LRTM1: variants seen among roughly 807,000 people sequenced by gnomAD.
LRTM1 encodes the protein leucine-rich repeat and transmembrane domain-containing protein 1.
A neutral mutation model predicts 32.4 loss-of-function variants in LRTM1; 38 were observed. The ratio of observed to expected loss-of-function variants is 1.17; its 90% CI spans 0.91 to 1.54. The LOEUF (loss-of-function observed/expected upper bound fraction) is 1.54. LRTM1 is among the 40% of genes most tolerant of loss of function. The pLI is 0.00. For missense variants in LRTM1, 466 were observed against 415.4 expected, an observed-to-expected ratio of 1.12 and a Z score of -1.06; for synonymous variants, 186 against 169.9, an observed-to-expected ratio of 1.09 and a Z score of -0.74.
chr3:54,918,335 T>TTTTTC lies in LRTM1; in HGVS notation c.*123_*124insGAAAA. The TTTTTC allele has an allele frequency of 1.6e-5, 2 of 125,068 alleles. No individual in the cohort carries two copies. Among genetic ancestry groups the TTTTTC allele is most frequent in the South Asian group, 4.0e-4 (2 of 5,022 alleles). The allele number at this position is 125,068 out of a possible 1,614,324, so 7.7% of individuals were successfully genotyped here. On this transcript the variant is annotated 3_prime_UTR_variant, in exon 3 of 3. Coordinates refer to ENST00000273286, the MANE Select transcript of LRTM1 (RefSeq NM_020678.4). ...TACAGACACATCTTTTTTTTTTCTT[T>TTTTTC]TTTTTTTTTTTTTTTTTTTTGTCTT...
intron 1 of LRTM1, among the ~76,000 whole-genome samples, chr3:54,963,462 C>A (rs1352978978): frequency 6.6e-6 from 1 of 152,166 alleles, no homozygotes; most frequent in Non-Finnish European, 1.5e-5. Context: ...GGCTACGGAG[C>A]ACTTGACATC....
chr3:54,955,647 G>A (rs1701868716), intron 1 of LRTM1, among the ~76,000 whole-genome samples: 1 of 152,118 alleles, frequency 6.6e-6, no homozygotes, highest in Non-Finnish European at 1.5e-5. Context: ...CCAACAGAAT[G>A]TTGGTGGAAT....
chr3:54,918,958 C>A, intron 2 of LRTM1, 66 bp from the exon 3 acceptor site: 1 of 1,340,136 alleles, frequency 7.5e-7, no homozygotes, highest in Non-Finnish European at 9.8e-7. Context: ...AAATCCTCTG[C>A]CTGCAAAAAC....
chr3:54,946,401 C>T (rs1182213687), intron 1 of LRTM1, among the ~76,000 whole-genome samples: 1 of 152,182 alleles, frequency 6.6e-6, no homozygotes, highest in Non-Finnish European at 1.5e-5. Flanking sequence ...TGAGCTGTCA[C>T]ATCCTTCACT....
intron 1 of LRTM1, among the ~76,000 whole-genome samples, chr3:54,951,459 G>A (rs1324563832): frequency 8.5e-5 from 13 of 152,228 alleles, no homozygotes; most frequent in African/African-American, 2.9e-4. Flanking sequence ...TTTGGTGTGC[G>A]GCCCGGGGGC....
intron 1 of LRTM1, among the ~76,000 whole-genome samples, chr3:54,936,781 T>C (rs1469745931): frequency 6.6e-6 from 1 of 152,212 alleles, no homozygotes; most frequent in East Asian, 1.9e-4. Context: ...GCTTTCATCA[T>C]GAAGCATGAC....
chr3:54,961,520 T>A (rs539938939), intron 1 of LRTM1, among the ~76,000 whole-genome samples: 33 of 152,244 alleles, frequency 2.2e-4, no homozygotes, highest in Non-Finnish European at 3.4e-4. Context: ...GAAAATCTTC[T>A]GTTTGTAGAA....
At chr3:54,962,116 G>A (rs4955911) in intron 1 of LRTM1, among the ~76,000 whole-genome samples, 58,301 of 151,912 alleles carry the variant, frequency 0.38, 12,776 homozygotes, top group East Asian at 0.54. Context: ...CAGAGTCCTC[G>A]GGACCCAATC....
intron 1 of LRTM1, among the ~76,000 whole-genome samples, chr3:54,937,304 T>G (rs1207011321): frequency 1.3e-5 from 2 of 152,166 alleles, no homozygotes; most frequent in African/African-American, 2.4e-5. Context: ...ACAGTCCAAA[T>G]GGCCACTACA....
chr3:54,965,663 GA>G (rs774744812), intron 1 of LRTM1, among the ~76,000 whole-genome samples: 2 of 152,190 alleles, frequency 1.3e-5, no homozygotes, highest in African/African-American at 2.4e-5. Context: ...AATCATAGGA[GA>G]GTATATTAAC....
chr3:54,920,421 G>C (rs1880826), intron 2 of LRTM1, among the ~76,000 whole-genome samples: 112,125 of 152,066 alleles, frequency 0.74, 41,669 homozygotes, highest in East Asian at 0.86. Flanking sequence ...CCACCAGAGT[G>C]TCTTGGGTTC....
chr3:54,939,589 G>A (rs957530893), intron 1 of LRTM1, among the ~76,000 whole-genome samples: 1 of 152,194 alleles, frequency 6.6e-6, no homozygotes, highest in Non-Finnish European at 1.5e-5. Context: ...GGCCGGAGGT[G>A]GGGAAAGCAA....
chr3:54,941,850 C>A (rs969918735), intron 1 of LRTM1, among the ~76,000 whole-genome samples: 5 of 152,120 alleles, frequency 3.3e-5, no homozygotes, highest in African/African-American at 1.2e-4. Context: ...TCCTCCCTGC[C>A]ACACAGTTCT....
chr3:54,946,669 G>T (rs1011823390), intron 1 of LRTM1, among the ~76,000 whole-genome samples: 1 of 152,096 alleles, frequency 6.6e-6, no homozygotes, highest in East Asian at 1.9e-4. Flanking sequence ...AACCTGGGGG[G>T]AGCTAGCATT....
rs192844636 is a variant in LRTM1 at position 54,935,413 on chromosome 3, C to T, written c.-221-10198G>A. On this transcript the variant is annotated intron_variant, in intron 1 of 2. Transcript: ENST00000493075. ...ATTAAAGGTAATTAGTGAGCTCATG[C>T]GGCTGGTGGAATAAACATAGGCAGA... Among the ~76,000 whole-genome samples, 597 of 152,250 alleles carry T rather than the reference C, an allele frequency of 3.9e-3. 12 individuals are homozygous for T. The highest frequency in any genetic ancestry group is 0.037 in the Admixed American group (572 of 15,290).
At chr3:54,930,701 A>G (rs1035716858), upstream of LRTM1, among the ~76,000 whole-genome samples, 1 of 152,238 alleles carries the variant, frequency 6.6e-6, no homozygotes, top group Non-Finnish European at 1.5e-5. Flanking sequence ...GAGCATCAGC[A>G]TTCTATCTGT....
chr3:54,926,029 T>A (rs891484400), intron 1 of LRTM1, among the ~76,000 whole-genome samples: 1 of 152,216 alleles, frequency 6.6e-6, no homozygotes, highest in African/African-American at 2.4e-5. Context: ...TCCTTGATTC[T>A]TTTTTCTTTC....
At chr3:54,920,759 G>T (rs1449288084) in intron 2 of LRTM1, among the ~76,000 whole-genome samples, 1 of 152,172 alleles carries the variant, frequency 6.6e-6, no homozygotes. Context: ...TCTATCAGGG[G>T]AAGCAAGACC....
At chr3:54,924,247 C>G (rs1700944074) in intron 2 of LRTM1, among the ~76,000 whole-genome samples, 1 of 152,134 alleles carries the variant, frequency 6.6e-6, no homozygotes, top group African/African-American at 2.4e-5. Flanking sequence ...GAGAGATAAC[C>G]ATACCCACAA....
Sources: allele counts gnomAD v4.1 joint callset (sites outside exome capture counted in the v4.1 genomes callset), GRCh38; gene constraint gnomAD v4.1.1; transcripts MANE v1.5; gene names NCBI Gene and HGNC (gene_info 2026-07-23, HGNC 2026-07-21).